Variants in SLK observed in about 807,000 individuals in gnomAD.
The protein encoded by SLK is STE20-like serine/threonine-protein kinase.
Under a neutral mutation model 147.7 loss-of-function variants are expected in SLK, and 67 were observed. The ratio of observed to expected loss-of-function variants is 0.45; its 90% CI spans 0.37 to 0.56. The LOEUF (loss-of-function observed/expected upper bound fraction) is 0.56. Among genes scored for constraint, SLK ranks in the 20% least tolerant of loss-of-function variants. SLK has a pLI of 0.00. For synonymous variants in SLK, 441 were observed against 475.0 expected (o/e 0.93, Z 0.93); for missense variants, 1,136 against 1,438.8 (o/e 0.79, Z 3.41).
At position 104,018,846 on chromosome 10, in the gene SLK, A is replaced by G. The variant is rs1197858987; in HGVS notation, c.3070A>G (p.Lys1024Glu). The change falls in exon 15 of 19, where the codon AAA (lysine) becomes GAA (glutamate). Residue 1024 changes from lysine (K) to glutamate (E), a missense_variant. Around this residue, in one of 6 missense-constraint regions of SLK, gnomAD observed 327 missense variants for 457.5 expected, o/e 0.71. Coordinates refer to ENST00000369755, the MANE Select transcript of SLK (RefSeq NM_014720.4). ...CTTACAAGAAAAACACCAGCTGCTC[A>G]AACAGCAGCTTAAAGATCAGTATTT... The part of the protein sequence containing the change: ...RHLQEKHQLL[K>E]QQLKDQYFMQ... 7 of 1,612,854 alleles carry G rather than the reference A, an allele frequency of 4.3e-6. No individual in the cohort carries two copies. The highest frequency in any genetic ancestry group is 5.9e-6 in the Non-Finnish European group (7 of 1,179,478).
chr10:103,979,960 A>T (rs1843919797), intron 1 of SLK, among the ~76,000 whole-genome samples: 1 of 152,148 alleles, frequency 6.6e-6, no homozygotes, highest in Admixed American at 6.6e-5. Flanking sequence ...CTGCTGTGTT[A>T]TCTTTGTAAA....
Position 104,027,510 on chromosome 10 carries a change from A to G in SLK, c.*1790A>G, listed in dbSNP as rs1308013010. ...GTTTTGAAAGCCTTTTAAAATATAT[A>G]TCTTTATAAAGTAATATTCAGGATG... On this transcript the variant is annotated 3_prime_UTR_variant, in exon 19 of 19. Transcript: ENST00000369755. 1 of 152,578 alleles carries G rather than the reference A, an allele frequency of 6.6e-6. No individual in the cohort carries two copies. The highest frequency in any genetic ancestry group is 2.4e-5 in the African/African-American group (1 of 41,432). The allele number at this position is 152,578 out of a possible 1,614,324, so 9.5% of individuals were successfully genotyped here.
At chr10:104,004,828 T>C (rs747223228) in intron 9 of SLK, among the ~76,000 whole-genome samples, 1 of 152,218 alleles carries the variant, frequency 6.6e-6, no homozygotes, top group Non-Finnish European at 1.5e-5. Flanking sequence ...TGTTTGCATT[T>C]AAATGTTTTT....
intron 12 of SLK, among the ~76,000 whole-genome samples, chr10:104,010,544 C>T (rs1844386432): frequency 6.6e-6 from 1 of 152,158 alleles, no homozygotes; most frequent in South Asian, 2.1e-4. Context: ...TAATTCTTCG[C>T]TGGTTGTCTT....
At position 104,002,718 on chromosome 10, in the gene SLK, C is replaced by G. The variant is rs766806550; in HGVS notation, c.1540C>G (p.Gln514Glu). Reference sequence around the variant, plus strand: ...GACTGGAGAAAAAGAGGCAAATATTCAGGCAGTTGATAGTGAAGTTGGGCT... The same window carrying G: ...GACTGGAGAAAAAGAGGCAAATATTGAGGCAGTTGATAGTGAAGTTGGGCT... Reference protein sequence around the residue: ...QETGEKEANIQAVDSEVGLTK... With the variant: ...QETGEKEANIEAVDSEVGLTK... The change falls in exon 9 of 19, where the codon CAG becomes GAG. Residue 514 changes from glutamine to glutamate, a missense_variant. Transcript: ENST00000369755. The G allele has an allele frequency of 1.9e-6, 3 of 1,612,650 alleles. No individual in the cohort carries two copies. The highest frequency in any genetic ancestry group is 1.7e-6 in the Non-Finnish European group (2 of 1,179,614).
intron 4 of SLK, among the ~76,000 whole-genome samples, chr10:103,996,381 T>A (rs1844172851): frequency 6.7e-6 from 1 of 150,140 alleles, no homozygotes; most frequent in Non-Finnish European, 1.5e-5. Flanking sequence ...TCTTTTCTAA[T>A]AAATATTTTT....
At chr10:103,997,597 T>G (rs1199609607) in intron 4 of SLK, among the ~76,000 whole-genome samples, 1 of 151,734 alleles carries the variant, frequency 6.6e-6, no homozygotes. Context: ...TTTTTTTTTC[T>G]ATGCTACATC....
intron 13 of SLK, among the ~76,000 whole-genome samples, chr10:104,017,416 T>G (rs1289811846): frequency 6.6e-6 from 1 of 152,166 alleles, no homozygotes; most frequent in African/African-American, 2.4e-5. Flanking sequence ...TTCTTCCTCT[T>G]TAGTTCCCCA....
intron 4 of SLK, among the ~76,000 whole-genome samples, chr10:103,996,400 CTTTTTTTT>C (rs555751299): frequency 7.5e-5 from 8 of 106,458 alleles, no homozygotes; most frequent in African/African-American, 2.5e-4. Context: ...TTTTTCTTTT[CTTTTTTTT>C]TTTTTTTTGA....
intron 1 of SLK, 35 bp downstream of exon 1, chr10:103,967,930 G>A (rs777899419): frequency 1.2e-6 from 2 of 1,609,050 alleles, no homozygotes; most frequent in African/African-American, 1.3e-5. Flanking sequence ...GTACTGCGAA[G>A]GTAAAACAGC....
chr10:104,006,877 T>TA (rs1368265962), intron 11 of SLK, among the ~76,000 whole-genome samples: 1 of 152,186 alleles, frequency 6.6e-6, no homozygotes, highest in Non-Finnish European at 1.5e-5. Flanking sequence ...CAAAACCTTA[T>TA]AAAATCTGTA....
At chr10:103,981,172 G>C (rs570863751) in intron 1 of SLK, among the ~76,000 whole-genome samples, 3 of 146,130 alleles carry the variant, frequency 2.1e-5, no homozygotes, top group South Asian at 4.4e-4. Flanking sequence ...TTTGAATTGG[G>C]CTAGTTGTGG....
At chr10:104,009,257 G>A (rs1844369321) in intron 12 of SLK, among the ~76,000 whole-genome samples, 1 of 151,936 alleles carries the variant, frequency 6.6e-6, no homozygotes, top group Non-Finnish European at 1.5e-5. Flanking sequence ...ATTTTATTAG[G>A]GTTGGAACAA....
rs189890861 is a variant in SLK at position 104,029,109 on chromosome 10, T to G, written c.*3389T>G. On this transcript the variant is annotated 3_prime_UTR_variant, in exon 19 of 19. Coordinates refer to ENST00000369755, the MANE Select transcript of SLK (RefSeq NM_014720.4). ...GCTCCTTCTCTGGTTTGCAGTGTAATGAGTTCATAAGCTAAATTTTCAGAA... is the reference window on the plus strand; with the variant it reads ...GCTCCTTCTCTGGTTTGCAGTGTAAGGAGTTCATAAGCTAAATTTTCAGAA... 9.2e-5 allele frequency: 14 copies of G among 152,388 alleles called. No homozygotes were observed. The highest frequency in any genetic ancestry group is 3.4e-4 in the African/African-American group (14 of 41,590). 9.4% of individuals were successfully genotyped at this position (152,388 alleles called of 1,614,324 possible). A position where few individuals can be genotyped will look rare whatever the true frequency, so the allele number is the denominator to read the frequency against.
At chr10:104,021,488 T>C (rs2134535638) in intron 17 of SLK, 132 bp from the exon 18 acceptor site, 2 of 566,624 alleles carry the variant, frequency 3.5e-6, no homozygotes, top group Middle Eastern at 9.6e-4. Context: ...CCTTGGTTTT[T>C]ATAGAGGAAA....
At position 104,018,206 on chromosome 10, in the gene SLK, T is replaced by C; in HGVS notation, c.2924T>C (p.Leu975Pro). The C allele has an allele frequency of 6.2e-7, 1 of 1,606,308 alleles. No individual in the cohort carries two copies. The highest frequency in any genetic ancestry group is 8.5e-7 in the Non-Finnish European group (1 of 1,177,916). The change falls in exon 14 of 19, where the codon CTG becomes CCG. Residue 975 changes from leucine (L) to proline (P), a missense_variant. Transcript: ENST00000369755. ...CAACAGCAAGAATTAGATGGCTCTC[T>C]GAAAAAGATCATCCAGCAGCAGAAG... ...QKQQQELDGS[L>P]KKIIQQQKAE...
chr10:103,982,664 T>G (rs1843961281), intron 1 of SLK, among the ~76,000 whole-genome samples: 1 of 152,214 alleles, frequency 6.6e-6, no homozygotes. Context: ...CTTGTTAAAG[T>G]TTACTTGTAG....
In SLK at chr10:104,003,115, G is replaced by A. The variant is rs750458419; in HGVS notation, c.1937G>A (p.Ser646Asn). The A allele has an allele frequency of 1.2e-6, 2 of 1,614,146 alleles. No individual in the cohort carries two copies. The highest frequency in any genetic ancestry group is 2.2e-5 in the East Asian group (1 of 44,860). The change falls in exon 9 of 19, where the codon AGT becomes AAT. Residue 646 changes from serine to asparagine, a missense_variant. Transcript: ENST00000369755. The part of the protein sequence containing the change: ...TTEGEEITES[S>N]STEEMEVRSV... Reference sequence around the variant, plus strand: ...GAAGGTGAAGAAATCACTGAGTCAAGTAGCACTGAAGAAATGGAGGTCAGA... The same window carrying A: ...GAAGGTGAAGAAATCACTGAGTCAAATAGCACTGAAGAAATGGAGGTCAGA...
chr10:103,992,554 A>G, intron 2 of SLK, 44 bp from the exon 3 acceptor site: 2 of 1,339,012 alleles, frequency 1.5e-6, no homozygotes, highest in Non-Finnish European at 1.9e-6. Context: ...TCAAAACTCC[A>G]TGTAGTTTTA....
Sources: gnomAD v4.1 joint callset for allele counts (sites outside exome capture counted in the v4.1 genomes callset) on GRCh38, gnomAD v4.1.1 for gene constraint, gnomAD v4.1.1 regional missense constraint, MANE v1.5 for transcripts, NCBI Gene and HGNC (gene_info 2026-07-23, HGNC 2026-07-21) for gene names.